Variants in NCAPD2 observed in about 807,000 individuals in gnomAD.
NCAPD2 encodes the protein non-SMC condensin I complex subunit D2, also known as condensin complex subunit 1.
In NCAPD2, 100 loss-of-function variants were observed where a neutral mutation model predicts 164.5. The ratio of observed to expected loss-of-function variants is 0.61; its 90% CI spans 0.52 to 0.72. The LOEUF is 0.72. Among genes scored for constraint, NCAPD2 ranks in the 30% least tolerant of loss-of-function variants. NCAPD2 has a pLI of 0.00. For missense variants in NCAPD2, 1,560 were observed against 1,749.2 expected (o/e 0.89, Z 1.93); for synonymous variants, 585 against 642.6 (o/e 0.91, Z 1.36).
intron 6 of NCAPD2, among the ~76,000 whole-genome samples, chr12:6,512,747 C>T (rs917753242): frequency 2.6e-5 from 4 of 152,164 alleles, no homozygotes; most frequent in African/African-American, 9.7e-5. Context: ...AGCAAGAGAC[C>T]AGTTAAGAGG....
At chr12:6,522,186 A>G in intron 15 of NCAPD2, 149 bp downstream of exon 15, 1 of 834,558 alleles carries the variant, frequency 1.2e-6, no homozygotes, top group Non-Finnish European at 1.8e-6. Context: ...CTTCTGCGTC[A>G]GCCTCCCAAA....
intron 27 of NCAPD2, 152 bp from the exon 28 acceptor site, chr12:6,529,341 GTGGGGTCCCTCTCTGCTGAA>G: frequency 1.5e-6 from 1 of 656,536 alleles, no homozygotes; most frequent in South Asian, 1.9e-5. Context: ...CGGGGGCGGG[GTGGGGTCCCTCTCTGCTGAA>G]TGGGACAGGG....
chr12:6,516,987 CGT>C lies in NCAPD2; in HGVS notation c.1150_1151del (p.Val384PhefsTer38), dbSNP rs768454744. On this transcript the variant is annotated frameshift_variant, in exon 10 of 32. Coordinates refer to ENST00000315579, the MANE Select transcript of NCAPD2 (RefSeq NM_014865.4). LOFTEE classifies it high-confidence loss of function. ...TGATGTCAACTCCTTTGTGCGGAGC[CGT>C]GTTTTGCAGCTCTTCACCCGAATTG... ...GHDVNSFVRS[R>X]VLQLFTRIVQ... The C allele has an allele frequency of 1.5e-5, 24 of 1,613,982 alleles. No homozygotes were observed. Among genetic ancestry groups the C allele is most frequent in the Non-Finnish European group, 1.8e-5 (21 of 1,180,036 alleles).
At chr12:6,513,023 T>C (rs995956097) in intron 6 of NCAPD2, among the ~76,000 whole-genome samples, 2 of 152,174 alleles carry the variant, frequency 1.3e-5, no homozygotes, top group African/African-American at 4.8e-5. Context: ...GATCAGATGT[T>C]CTGTTTTGGA....
At chr12:6,511,562 C>G (rs914234117) in intron 6 of NCAPD2, among the ~76,000 whole-genome samples, 7 of 152,064 alleles carry the variant, frequency 4.6e-5, no homozygotes, top group East Asian at 1.9e-4. Context: ...CTCCTAACCT[C>G]AGGTGATCTC....
At position 6,517,781 on chromosome 12, in the gene NCAPD2, G is replaced by A; in HGVS notation, c.1411G>A (p.Ala471Thr). 1 of 1,614,096 alleles carries A rather than the reference G, an allele frequency of 6.2e-7. No individual in the cohort carries two copies. Among genetic ancestry groups the A allele is most frequent in the African/African-American group, 1.3e-5 (1 of 75,046 alleles). The change falls in exon 13 of 32, where the codon GCA becomes ACA. Residue 471 changes from alanine to threonine, a missense_variant and splice_region_variant. Ala to Thr is a moderately conservative substitution (Grantham distance 58). Coordinates refer to ENST00000315579, the MANE Select transcript of NCAPD2 (RefSeq NM_014865.4). ...RAQRRTAAAS[A>T]VLDPEEEWEA... The stretch of plus-strand genomic sequence containing the variant: ...GACTAAGTGACACTCTCATTTAGCT[G>A]CAGTGCTGGACCCAGAGGAGGAGTG...
At chr12:6,525,232 A>G (rs1946305081) in intron 17 of NCAPD2, among the ~76,000 whole-genome samples, 1 of 152,228 alleles carries the variant, frequency 6.6e-6, no homozygotes, top group Non-Finnish European at 1.5e-5. Context: ...TGGCAAAATG[A>G]AAAGGCAAGG....
chr12:6,527,193 A>G (rs1300973600), intron 22 of NCAPD2, 130 bp downstream of exon 22: 9 of 1,002,550 alleles, frequency 9.0e-6, no homozygotes, highest in Non-Finnish European at 1.3e-5. Flanking sequence ...CTCTGTGGCT[A>G]CTACCGTAGG....
Position 6,504,203 on chromosome 12 carries a change from A to G in NCAPD2, c.128-5514A>G, listed in dbSNP as rs1269125568. Among the ~76,000 whole-genome samples, 5 of 21,648 alleles carry G rather than the reference A, an allele frequency of 2.3e-4. 1 individual carries two copies. The highest frequency in any genetic ancestry group is 3.4e-4 in the Non-Finnish European group (5 of 14,602). The allele number at this position is 21,648 out of a possible 152,430, so 14.2% of individuals were successfully genotyped here. A position where few individuals can be genotyped will look rare whatever the true frequency, so the allele number is the denominator to read the frequency against. On this transcript the variant is annotated intron_variant, in intron 2 of 31. Transcript: ENST00000315579. The stretch of plus-strand genomic sequence containing the variant: ...TATACATATATATATATATATATAT[A>G]TATATATATATATAGATATAGATAT...
At chr12:6,511,844 C>T (rs189333766) in intron 6 of NCAPD2, among the ~76,000 whole-genome samples, 132 of 151,874 alleles carry the variant, frequency 8.7e-4, no homozygotes, top group South Asian at 6.5e-3. Flanking sequence ...ATTAGCTGTG[C>T]ATGGTGGTGT....
Position 6,514,298 on chromosome 12 carries a change from G to C in NCAPD2, c.621G>C (p.Glu207Asp). Residue 207 changes from glutamate to aspartate, a missense_variant, in exon 7 of 32, where the codon GAG (glutamate) becomes GAC (aspartate). By Grantham distance (45) the Glu-to-Asp change is conservative (BLOSUM62 2). Transcript: ENST00000315579. ...CTGGCTGTTGCTACCGCCTTCTGGAGAATCCCACCATTAATCACCAGAAGA... is the reference window on the plus strand; with the variant it reads ...CTGGCTGTTGCTACCGCCTTCTGGACAATCCCACCATTAATCACCAGAAGA... ...LVTGCCYRLLENPTINHQKNR... is the reference protein window; with the variant it reads ...LVTGCCYRLLDNPTINHQKNR... 1 of 1,614,104 alleles carries C rather than the reference G, an allele frequency of 6.2e-7. No homozygotes were observed.
intron 2 of NCAPD2, among the ~76,000 whole-genome samples, chr12:6,503,806 C>T (rs1199712561): frequency 2.0e-5 from 3 of 147,272 alleles, no homozygotes; most frequent in Non-Finnish European, 3.0e-5. Context: ...GGTGAAACCC[C>T]GTCTCTACTA....
intron 22 of NCAPD2, 109 bp downstream of exon 22, chr12:6,527,172 A>C: frequency 8.2e-7 from 1 of 1,217,128 alleles, no homozygotes; most frequent in Non-Finnish European, 1.1e-6. Context: ...TGAAGCGAAG[A>C]GTTTCTGCCT....
chr12:6,512,237 A>G (rs1360182683), intron 6 of NCAPD2, among the ~76,000 whole-genome samples: 2 of 145,624 alleles, frequency 1.4e-5, no homozygotes, highest in Non-Finnish European at 3.0e-5. Context: ...GCGCCACTGC[A>G]CTCCAGCCTG....
At position 6,522,816 on chromosome 12, in the gene NCAPD2, A is replaced by G; in HGVS notation, c.1955-12A>G. On this transcript the variant is annotated splice_polypyrimidine_tract_variant and intron_variant, in intron 15 of 31. Coordinates refer to ENST00000315579, the MANE Select transcript of NCAPD2 (RefSeq NM_014865.4). The stretch of plus-strand genomic sequence containing the variant: ...TGAAGTAGATAGGTGACATTTGTAC[A>G]TGTTCTCTCAGTGGTGCAGGAGGTG... 1 of 1,612,794 alleles carries G rather than the reference A, an allele frequency of 6.2e-7. No homozygotes were observed. The highest frequency in any genetic ancestry group is 8.5e-7 in the Non-Finnish European group (1 of 1,179,460).
rs1565539606 is a variant in NCAPD2 at position 6,504,214 on chromosome 12, T to TATATATATATACAC, written c.128-5500_128-5499insTATATATACACATA. Among the ~76,000 whole-genome samples, 54 of 21,110 alleles carry TATATATATATACAC rather than the reference T, an allele frequency of 2.6e-3. 1 individual carries two copies. The highest frequency in any genetic ancestry group is 4.0e-3 in the Admixed American group (7 of 1,770). The allele number at this position is 21,110 out of a possible 152,430, so 13.8% of individuals were successfully genotyped here. ...ATATATATATATATATATATATATATATAGATATAGATATATATATATATA... is the reference window on the plus strand; with the variant it reads ...ATATATATATATATATATATATATATATATATATATACACATAGATATAGATATATATATATATA... On this transcript the variant is annotated intron_variant, in intron 2 of 31. Coordinates refer to ENST00000315579, the MANE Select transcript of NCAPD2 (RefSeq NM_014865.4).
chr12:6,513,087 A>G (rs142852994), intron 6 of NCAPD2, among the ~76,000 whole-genome samples: 58 of 152,318 alleles, frequency 3.8e-4, no homozygotes, highest in African/African-American at 1.4e-3. Context: ...TGGACGTTGA[A>G]TATATAGATC....
At chr12:6,511,867 C>T (rs1946151369) in intron 6 of NCAPD2, among the ~76,000 whole-genome samples, 2 of 151,986 alleles carry the variant, frequency 1.3e-5, no homozygotes, top group South Asian at 4.1e-4. Context: ...GCCTGTAATG[C>T]CAGCTACTTG....
intron 18 of NCAPD2, 61 bp from the exon 19 acceptor site, chr12:6,526,007 C>G: frequency 1.3e-6 from 2 of 1,588,414 alleles, no homozygotes; most frequent in Non-Finnish European, 1.7e-6. Flanking sequence ...CCTATTGGCC[C>G]TTTCTCCCCC....
Sources: gnomAD v4.1 joint callset for allele counts (sites outside exome capture counted in the v4.1 genomes callset) on GRCh38, gnomAD v4.1.1 for gene constraint, MANE v1.5 for transcripts, NCBI Gene and HGNC (gene_info 2026-07-23, HGNC 2026-07-21) for gene names.